MVB12B: variants seen among roughly 807,000 people sequenced by gnomAD.
The protein encoded by MVB12B is multivesicular body subunit 12B.
In MVB12B, 16 loss-of-function variants were observed where a neutral mutation model predicts 41.6. That is an observed-to-expected ratio of 0.38 (90% CI 0.26 to 0.58). The LOEUF is 0.58. Ranked by LOEUF, MVB12B falls within the 20% of genes least tolerant of loss-of-function variation. MVB12B has a pLI of 0.62. For missense variants in MVB12B, 274 were observed against 380.2 expected (o/e 0.72, Z 2.32); for synonymous variants, 133 against 139.7 (o/e 0.95, Z 0.34).
At chr9:126,442,221 G>A (rs1832658122) in intron 7 of MVB12B, among the ~76,000 whole-genome samples, 1 of 152,198 alleles carries the variant, frequency 6.6e-6, no homozygotes, top group African/African-American at 2.4e-5. Context: ...CTTCAGGGGA[G>A]AATCAGACCT....
At chr9:126,410,186 C>A (rs563560448) in intron 6 of MVB12B, among the ~76,000 whole-genome samples, 1 of 148,986 alleles carries the variant, frequency 6.7e-6, no homozygotes, top group Non-Finnish European at 1.5e-5. Context: ...CGCATGCACG[C>A]GCATGCATGC....
intron 9 of MVB12B, 40 bp downstream of exon 9, chr9:126,484,072 C>T (rs756070270): frequency 7.6e-6 from 12 of 1,588,510 alleles, no homozygotes; most frequent in Non-Finnish European, 1.0e-5. Context: ...AGGCCTGGGC[C>T]ATCGCCTGCA....
chr9:126,402,061 G>T (rs1831283410), intron 6 of MVB12B, among the ~76,000 whole-genome samples: 1 of 152,150 alleles, frequency 6.6e-6, no homozygotes, highest in Non-Finnish European at 1.5e-5. Context: ...GTTCAGAGTG[G>T]CAAAAGGCTT....
chr9:126,364,541 A>T (rs1178278635), intron 2 of MVB12B, among the ~76,000 whole-genome samples: 2 of 152,182 alleles, frequency 1.3e-5, no homozygotes, highest in African/African-American at 4.8e-5. Flanking sequence ...TGGCTGGATC[A>T]CTAGTTTTCA....
In MVB12B at chr9:126,367,628, CA is replaced by C. The variant is rs1830218711; in HGVS notation, c.205-13435del. Among the ~76,000 whole-genome samples the C allele has an allele frequency of 6.6e-6, 1 of 152,238 alleles. No homozygotes were observed. The highest frequency in any genetic ancestry group is 1.5e-5 in the Non-Finnish European group (1 of 68,050). On this transcript the variant is annotated intron_variant, in intron 2 of 9. Coordinates refer to ENST00000361171, the MANE Select transcript of MVB12B (RefSeq NM_033446.3). This position sits in a 1 kb window ranked among gnomAD's most constrained non-coding sequence, Gnocchi z 4.3. ...CTCAGCACTTGGCGCTCCCTTACAGCACGGAGGTGATTCTGTCTTACACTTC... is the reference window on the plus strand; with the variant it reads ...CTCAGCACTTGGCGCTCCCTTACAGCCGGAGGTGATTCTGTCTTACACTTC...
At chr9:126,429,072 C>T (rs891876122) in intron 7 of MVB12B, among the ~76,000 whole-genome samples, 2 of 152,126 alleles carry the variant, frequency 1.3e-5, no homozygotes, top group Admixed American at 6.5e-5. Flanking sequence ...CTGATAATAG[C>T]ATATGGGAAA....
chr9:126,471,371 C>T (rs1419725602), intron 7 of MVB12B, among the ~76,000 whole-genome samples: 1 of 152,214 alleles, frequency 6.6e-6, no homozygotes, highest in African/African-American at 2.4e-5. Flanking sequence ...CTGACTCCGG[C>T]GCCTGTGCTC....
intron 7 of MVB12B, among the ~76,000 whole-genome samples, chr9:126,470,646 C>CTGTGTG (rs143928729): frequency 0.23 from 32,520 of 143,364 alleles, 4,250 homozygotes; most frequent in East Asian, 0.59. Flanking sequence ...AGTCAGTGCT[C>CTGTGTG]TGTGTGTGTG....
At position 126,429,956 on chromosome 9, in the gene MVB12B, G is replaced by A. The variant is rs754203605; in HGVS notation, c.757+8008G>A. Among the ~76,000 whole-genome samples, 14 of 152,320 alleles carry A rather than the reference G, an allele frequency of 9.2e-5. No individual in the cohort carries two copies. In the South Asian group the frequency reaches 1.0e-3, roughly 11 times the overall value. On this transcript the variant is annotated intron_variant, in intron 7 of 9. Coordinates refer to ENST00000361171, the MANE Select transcript of MVB12B (RefSeq NM_033446.3). Reference sequence around the variant, plus strand: ...TCAGTTCCCCAGCAGGTCCTCTGCAGCTGAGTGTTAAGCGTGGGACCTCTC... The same window carrying A: ...TCAGTTCCCCAGCAGGTCCTCTGCAACTGAGTGTTAAGCGTGGGACCTCTC...
At chr9:126,362,377 A>G (rs1394068122) in intron 2 of MVB12B, among the ~76,000 whole-genome samples, 1 of 152,194 alleles carries the variant, frequency 6.6e-6, no homozygotes, top group Non-Finnish European at 1.5e-5. Context: ...TGTAAAAAGC[A>G]TAATAGATAA....
At chr9:126,431,098 G>A (rs1051053471) in intron 7 of MVB12B, among the ~76,000 whole-genome samples, 6 of 152,180 alleles carry the variant, frequency 3.9e-5, no homozygotes, top group African/African-American at 1.2e-4. Context: ...GCCCAGCACG[G>A]TCTTCATCTT....
chr9:126,423,333 A>G (rs1265274586), intron 7 of MVB12B, among the ~76,000 whole-genome samples: 1 of 152,210 alleles, frequency 6.6e-6, no homozygotes, highest in African/African-American at 2.4e-5. Flanking sequence ...TTTCTGCAGG[A>G]AAGAGCCACA....
intron 8 of MVB12B, among the ~76,000 whole-genome samples, chr9:126,482,920 C>T (rs1355245633): frequency 2.6e-5 from 4 of 152,224 alleles, no homozygotes; most frequent in Non-Finnish European, 4.4e-5. Flanking sequence ...TTTTAATGGA[C>T]GAGGGAATGA....
intron 2 of MVB12B, among the ~76,000 whole-genome samples, chr9:126,364,526 A>G (rs992234284): frequency 2.6e-5 from 4 of 152,138 alleles, no homozygotes; most frequent in African/African-American, 9.7e-5. Flanking sequence ...GGGCTGCTGA[A>G]ATGCTGGCTG....
intron 6 of MVB12B, among the ~76,000 whole-genome samples, chr9:126,399,872 G>C (rs1831220742): frequency 6.6e-6 from 1 of 152,186 alleles, no homozygotes. Context: ...TCAATACTCT[G>C]CATCTCCTCT....
chr9:126,378,140 A>G (rs1411406066), intron 2 of MVB12B, among the ~76,000 whole-genome samples: 3 of 152,098 alleles, frequency 2.0e-5, no homozygotes, highest in African/African-American at 7.2e-5. Flanking sequence ...ACCTTACCCC[A>G]GCTTCCTGAT....
chr9:126,380,070 A>G (rs1317381658), intron 2 of MVB12B, among the ~76,000 whole-genome samples: 2 of 152,198 alleles, frequency 1.3e-5, no homozygotes, highest in Admixed American at 1.3e-4. Context: ...GTTTATCCCA[A>G]AACAGGCACT....
chr9:126,454,519 G>C (rs1466260755), intron 7 of MVB12B, among the ~76,000 whole-genome samples: 3 of 152,260 alleles, frequency 2.0e-5, no homozygotes, highest in African/African-American at 7.2e-5. Flanking sequence ...GGTGGCCTGG[G>C]GCTGGGCGAG....
chr9:126,471,778 G>A (rs1264127775), intron 7 of MVB12B, among the ~76,000 whole-genome samples: 4 of 152,110 alleles, frequency 2.6e-5, no homozygotes, highest in Non-Finnish European at 4.4e-5. Flanking sequence ...TCCAAGCCCC[G>A]GGCAGGTACA....
Sources: gnomAD v4.1 joint callset for allele counts (sites outside exome capture counted in the v4.1 genomes callset) on GRCh38, gnomAD v4.1.1 for gene constraint, Gnocchi (gnomAD v3.1) non-coding constraint, MANE v1.5 for transcripts, NCBI Gene and HGNC (gene_info 2026-07-23, HGNC 2026-07-21) for gene names.